PRLR: variants seen among roughly 807,000 people sequenced by gnomAD.
PRLR encodes the protein prolactin receptor, also known as hPRL receptor.
In PRLR, 13 loss-of-function variants were observed where a neutral mutation model predicts 40.2. That is an observed-to-expected ratio of 0.32 (90% CI 0.21 to 0.51). The LOEUF (loss-of-function observed/expected upper bound fraction) is 0.51. Ranked by LOEUF, PRLR falls within the 20% of genes least tolerant of loss-of-function variation. The probability of loss-of-function intolerance (pLI) is 0.97; values close to 1 mark genes in which losing one functional copy is unlikely to be tolerated. For missense variants in PRLR, 656 were observed against 747.3 expected, an observed-to-expected ratio of 0.88 and a Z score of 1.42; for synonymous variants, 269 against 278.7, an observed-to-expected ratio of 0.97 and a Z score of 0.35.
At chr5:35,049,216 C>T (rs1366998902) in exon 9 of PRLR, 3 of 701,742 alleles carry the variant, frequency 4.3e-6, no homozygotes, top group South Asian at 1.5e-5. Flanking sequence ...CTGGGGTGCA[C>T]AGTCTGTCCT....
chr5:35,213,208 A>G (rs1776211912), intron 1 of PRLR, among the ~76,000 whole-genome samples: 1 of 152,178 alleles, frequency 6.6e-6, no homozygotes, highest in African/African-American at 2.4e-5. Context: ...ATGAAATACC[A>G]TTGTGGGAAG....
intron 2 of PRLR, among the ~76,000 whole-genome samples, chr5:35,092,487 T>C (rs1771272954): frequency 6.6e-6 from 1 of 152,290 alleles, no homozygotes; most frequent in East Asian, 1.9e-4. Flanking sequence ...TAGGCACATC[T>C]CTTGTTTATC....
At chr5:35,207,311 T>C (rs1365149560) in intron 1 of PRLR, among the ~76,000 whole-genome samples, 3 of 151,784 alleles carry the variant, frequency 2.0e-5, no homozygotes, top group Non-Finnish European at 4.4e-5. Context: ...ATCAGTTAAA[T>C]AATCAGATAA....
rs1284261031 is a variant in PRLR, at chr5:35,062,992, C to T, written c.*2097G>A. On this transcript the variant is annotated 3_prime_UTR_variant, in exon 10 of 10. Coordinates refer to ENST00000618457, the MANE Select transcript of PRLR (RefSeq NM_000949.7). ...GTGGAAATGGTTGTCTAGAACAATG[C>T]TTCTCAAACTTCAGTGTGCAATTGA... 6.6e-6 allele frequency: 1 copy of T among 152,176 alleles called. No individual in the cohort carries two copies. Among genetic ancestry groups the T allele is most frequent in the African/African-American group, 2.4e-5 (1 of 41,440 alleles). The allele number at this position is 152,176 out of a possible 1,614,324, so 9.4% of individuals were successfully genotyped here.
chr5:35,071,251 G>A (rs1330290172), intron 6 of PRLR, among the ~76,000 whole-genome samples: 1 of 152,192 alleles, frequency 6.6e-6, no homozygotes, highest in Non-Finnish European at 1.5e-5. Context: ...ATCAGAGAAA[G>A]GTACAAGGTG....
intron 1 of PRLR, among the ~76,000 whole-genome samples, chr5:35,228,738 C>T (rs970932778): frequency 1.3e-5 from 2 of 152,098 alleles, no homozygotes; most frequent in Non-Finnish European, 2.9e-5. Flanking sequence ...ATGTGGGGAG[C>T]TCACCCATGA....
At chr5:35,153,355 G>C (rs1774392467) in intron 1 of PRLR, among the ~76,000 whole-genome samples, 1 of 152,074 alleles carries the variant, frequency 6.6e-6, no homozygotes, top group Non-Finnish European at 1.5e-5. Flanking sequence ...TTGCCCCCCA[G>C]GCCAATTCGT....
At chr5:35,095,076 G>A (rs1005475694) in intron 2 of PRLR, among the ~76,000 whole-genome samples, 12 of 152,172 alleles carry the variant, frequency 7.9e-5, no homozygotes, top group African/African-American at 2.6e-4. Flanking sequence ...AAATTTACCC[G>A]CCTTGGCCTC....
chr5:35,188,376 T>A (rs1212540492), intron 1 of PRLR, among the ~76,000 whole-genome samples: 1 of 152,238 alleles, frequency 6.6e-6, no homozygotes, highest in African/African-American at 2.4e-5. Context: ...CAGCCTGGGA[T>A]CAGCCCACGT....
At chr5:35,081,901 C>A in intron 5 of PRLR, 1 of 197,110 alleles carries the variant, frequency 5.1e-6, no homozygotes. Context: ...TGGCATCGCC[C>A]TCAACAACCA....
downstream of PRLR, among the ~76,000 whole-genome samples, chr5:35,052,236 A>C (rs1168273576): frequency 6.6e-6 from 1 of 152,214 alleles, no homozygotes; most frequent in Non-Finnish European, 1.5e-5. Context: ...AAAATACTTC[A>C]TGTATAAGTG....
intron 2 of PRLR, among the ~76,000 whole-genome samples, chr5:35,114,426 C>A (rs140261608): frequency 6.6e-6 from 1 of 152,178 alleles, no homozygotes; most frequent in African/African-American, 2.4e-5. Flanking sequence ...GCTATTGAAG[C>A]GTGAACCACT....
Position 35,180,588 on chromosome 5 carries a change from CT to C in PRLR, c.-106+49679del, listed in dbSNP as rs896948947. 7.4e-4 allele frequency among the ~76,000 whole-genome samples: 111 copies of C among 150,218 alleles called. 2 individuals carry two copies. Among genetic ancestry groups the C allele is most frequent in the Middle Eastern group, 6.8e-3 (2 of 292 alleles). On this transcript the variant is annotated intron_variant, in intron 1 of 9. Transcript: ENST00000618457. Reference sequence around the variant, plus strand: ...AACCTCTTTTCTTTTCTTTTCCCCCCTTTTTTTTTTATTATACTTTAAATTC... The same window carrying C: ...AACCTCTTTTCTTTTCTTTTCCCCCCTTTTTTTTTATTATACTTTAAATTC...
rs1367906825 is a variant in PRLR at position 35,056,834 on chromosome 5, C to A, written c.*8255G>T. The A allele has an allele frequency of 1.3e-5, 2 of 152,034 alleles. No homozygotes were observed. The highest frequency in any genetic ancestry group is 2.4e-5 in the African/African-American group (1 of 41,396). The allele number at this position is 152,034 out of a possible 1,614,324, so 9.4% of individuals were successfully genotyped here. ...GCCAAGTTTTTTAGAGCATGATACTCAAGTAAGAAAGAAATTTCTCATTCT... is the reference window on the plus strand; with the variant it reads ...GCCAAGTTTTTTAGAGCATGATACTAAAGTAAGAAAGAAATTTCTCATTCT... On this transcript the variant is annotated 3_prime_UTR_variant, in exon 10 of 10. Transcript: ENST00000618457.
intron 2 of PRLR, among the ~76,000 whole-genome samples, chr5:35,102,955 C>T (rs1283744440): frequency 6.6e-6 from 1 of 152,162 alleles, no homozygotes; most frequent in African/African-American, 2.4e-5. Context: ...TAGCCCCTTC[C>T]ACTCTATTGT....
downstream of PRLR, among the ~76,000 whole-genome samples, chr5:35,051,712 G>C (rs1337775808): frequency 6.6e-6 from 1 of 151,758 alleles, no homozygotes; most frequent in Non-Finnish European, 1.5e-5. Flanking sequence ...ATGAAGGAAG[G>C]GTGCATCAAA....
intron 2 of PRLR, among the ~76,000 whole-genome samples, chr5:35,099,934 TG>T (rs1771769114): frequency 6.6e-6 from 1 of 151,990 alleles, no homozygotes; most frequent in Admixed American, 6.6e-5. Flanking sequence ...CCCGGCACTT[TG>T]GGAGGCTGAA....
chr5:35,070,202 G>A lies in PRLR; in HGVS notation c.607C>T (p.Leu203Phe), dbSNP rs761886486. The A allele has an allele frequency of 1.5e-5, 24 of 1,613,960 alleles. No homozygotes were observed. In the Admixed American group the frequency reaches 1.7e-4, roughly 11 times the overall value. ...TCTGGTTTGCAGCGAACCTGGACAA[G>A]GTATTTCTGTCCTGGATGTAGGCTG... ...ILSLHPGQKYLVQVRCKPDHG... is the reference protein window; with the variant it reads ...ILSLHPGQKYFVQVRCKPDHG... Residue 203 changes from leucine (L) to phenylalanine (F), a missense_variant, in exon 7 of 10, where the codon CTT becomes TTT. By Grantham distance (22) the Leu-to-Phe change is conservative (BLOSUM62 0). Coordinates refer to ENST00000618457, the MANE Select transcript of PRLR (RefSeq NM_000949.7).
At chr5:35,185,455 T>A (rs1476465501) in intron 1 of PRLR, among the ~76,000 whole-genome samples, 1 of 150,986 alleles carries the variant, frequency 6.6e-6, no homozygotes, top group African/African-American at 2.4e-5. Context: ...TCCAAATGAG[T>A]TCCCTGAGGT....
Sources: gnomAD v4.1 joint callset for allele counts (sites outside exome capture counted in the v4.1 genomes callset) on GRCh38, gnomAD v4.1.1 for gene constraint, MANE v1.5 for transcripts, NCBI Gene and HGNC (gene_info 2026-07-23, HGNC 2026-07-21) for gene names.